Variants in NEB observed in about 807,000 individuals in gnomAD.
NEB encodes the protein nebulin.
A neutral mutation model predicts 952.2 loss-of-function variants in NEB; 512 were observed. The observed-to-expected ratio is 0.54, with a 90% CI of 0.50 to 0.58. The LOEUF (loss-of-function observed/expected upper bound fraction) is 0.58. Among genes scored for constraint, NEB ranks in the 20% least tolerant of loss-of-function variants. The probability of loss-of-function intolerance (pLI) is 0.00; values close to 1 mark genes in which losing one functional copy is unlikely to be tolerated. For missense variants in NEB, 8,428 were observed against 9,231.1 expected, an observed-to-expected ratio of 0.91 and a Z score of 3.56; for synonymous variants, 2,900 against 3,149.8, an observed-to-expected ratio of 0.92 and a Z score of 2.66.
intron 131 of NEB, 133 bp downstream of exon 131, chr2:151,548,175 C>CAAT (rs1233946252): frequency 1.3e-6 from 1 of 743,060 alleles, no homozygotes; most frequent in Non-Finnish European, 2.2e-6. Context: ...CAAAATGTGA[C>CAAT]AATAAGGACC....
At chr2:151,564,679 C>T (rs2096274699) in intron 117 of NEB, among the ~76,000 whole-genome samples, 1 of 152,142 alleles carries the variant, frequency 6.6e-6, no homozygotes, top group Non-Finnish European at 1.5e-5. Flanking sequence ...ACCTTACCTC[C>T]CTTTTCTCTA....
Position 151,667,879 on chromosome 2 carries a change from A to C in NEB, c.4644T>G (p.Ile1548Met), listed in dbSNP as rs1420629260. 1 of 1,612,518 alleles carries C rather than the reference A, an allele frequency of 6.2e-7. No individual in the cohort carries two copies. Among genetic ancestry groups the C allele is most frequent in the South Asian group, 1.1e-5 (1 of 90,932 alleles). The change falls in exon 40 of 182, where the codon ATT becomes ATG. Residue 1548 changes from isoleucine to methionine, a missense_variant. Ile to Met is a conservative substitution (Grantham distance 10, BLOSUM62 1). Transcript: ENST00000397345. ...AHYKADWKKT[I>M]AKGYDLRPDA... ...CTGGTCTCAAATCATAGCCCTTGGC[A>C]ATGGTTTTCTTCCAATCTGCTTTAT...
chr2:151,535,799 G>GA lies in NEB; in HGVS notation c.21208-5dup, dbSNP rs888362153. 4 of 1,505,716 alleles carry GA rather than the reference G, an allele frequency of 2.7e-6. No homozygotes were observed. The highest frequency in any genetic ancestry group is 2.8e-5 in the African/African-American group (2 of 72,688). The allele number at this position is 1,505,716 out of a possible 1,614,324, so 93.3% of individuals were successfully genotyped here. A position where few individuals can be genotyped will look rare whatever the true frequency, so the allele number is the denominator to read the frequency against. ...CAAATACTTCTTTATACTTATACTA[G>GA]AAAAAACAGAACATGGTTACTTGAC... is the stretch of plus-strand genomic sequence containing the variant. On this transcript the variant is annotated splice_region_variant and splice_polypyrimidine_tract_variant and intron_variant, in intron 141 of 181. Coordinates refer to ENST00000397345, the MANE Select transcript of NEB (RefSeq NM_001164508.2).
chr2:151,621,966 A>G (rs2098424858), intron 71 of NEB, among the ~76,000 whole-genome samples: 1 of 152,182 alleles, frequency 6.6e-6, no homozygotes, highest in Non-Finnish European at 1.5e-5. Flanking sequence ...TTGATGGGCA[A>G]TAATGAATTA....
chr2:151,664,049 A>C (rs1195307699), intron 44 of NEB, among the ~76,000 whole-genome samples, 190 bp from the exon 45 acceptor site: 2 of 151,718 alleles, frequency 1.3e-5, no homozygotes, highest in Non-Finnish European at 2.9e-5. Flanking sequence ...ACTTGAGTCC[A>C]TGGAAAGAAA....
chr2:151,697,099 T>G lies in NEB; in HGVS notation c.1470+49A>C, dbSNP rs375200998. ...AACATTTTAAACATATCCTGACCAC[T>G]AGATGCTATGGAAGGCAGTCACATT... On this transcript the variant is annotated intron_variant, in intron 16 of 181. Coordinates refer to ENST00000397345, the MANE Select transcript of NEB (RefSeq NM_001164508.2). 16 of 1,376,558 alleles carry G rather than the reference T, an allele frequency of 1.2e-5. No individual in the cohort carries two copies. The African/African-American group carries it at 2.3e-4, about 20-fold the overall frequency. 85.3% of individuals were successfully genotyped at this position (1,376,558 alleles called of 1,614,324 possible). A position where few individuals can be genotyped will look rare whatever the true frequency, so the allele number is the denominator to read the frequency against.
intron 74 of NEB, 40 bp downstream of exon 74, chr2:151,618,235 G>T (rs965082200): frequency 5.8e-6 from 9 of 1,540,294 alleles, no homozygotes; most frequent in Non-Finnish European, 8.1e-6. Flanking sequence ...ATTGTTCTGT[G>T]GTAACTTTCG....
At position 151,565,767 on chromosome 2, in the gene NEB, C is replaced by A. The variant is rs2096343643; in HGVS notation, c.18210G>T (p.Leu6070=). The A allele has an allele frequency of 6.2e-7, 1 of 1,612,498 alleles. No homozygotes were observed. ...EWLRGIGWIP[L]DSVDHVRVTK... is the part of the protein sequence containing the mutation. ...TAACCCTTACATGGTCCACAGAATCCAGTGGGATCCAGCCAATGCCTCGGA... is the reference window on the plus strand; with the variant it reads ...TAACCCTTACATGGTCCACAGAATCAAGTGGGATCCAGCCAATGCCTCGGA... Residue 6070 remains leucine, a synonymous_variant, in exon 115 of 182, where the codon CTG becomes CTT. Coordinates refer to ENST00000397345, the MANE Select transcript of NEB (RefSeq NM_001164508.2).
chr2:151,726,199 G>A lies in NEB; in HGVS notation c.295-639C>T, dbSNP rs930657419. Among the ~76,000 whole-genome samples, 9 of 152,244 alleles carry A rather than the reference G, an allele frequency of 5.9e-5. No homozygotes were observed. In the South Asian group the frequency reaches 1.2e-3, roughly 21 times the overall value. On this transcript the variant is annotated intron_variant, in intron 5 of 181. Transcript: ENST00000397345. ...TACTAACCACTTAAAAACTATTACAGACCTTTGCTGGCATTCTGTTCAGAA... is the reference window on the plus strand; with the variant it reads ...TACTAACCACTTAAAAACTATTACAAACCTTTGCTGGCATTCTGTTCAGAA...
chr2:151,639,734 G>A, intron 62 of NEB, 123 bp downstream of exon 62: 1 of 781,794 alleles, frequency 1.3e-6, no homozygotes, highest in Non-Finnish European at 2.0e-6. Context: ...GAAGCCAATA[G>A]ATACATAGAC....
At chr2:151,536,398 A>G (rs978942209) in intron 141 of NEB, among the ~76,000 whole-genome samples, 10 of 152,170 alleles carry the variant, frequency 6.6e-5, no homozygotes, top group African/African-American at 1.9e-4. Context: ...TATATATTAT[A>G]ATTATTATTT....
rs1576039264 is a variant in NEB, at chr2:151,678,848, T to C, written c.3256-661A>G. ...AGTACCCACAGAGAAAGGGGGTGGG[T>C]GAGAACTTCGGGTGGGACAGGGGCA... On this transcript the variant is annotated intron_variant, in intron 32 of 181. Coordinates refer to ENST00000397345, the MANE Select transcript of NEB (RefSeq NM_001164508.2). Among the ~76,000 whole-genome samples, 3 of 151,612 alleles carry C rather than the reference T, an allele frequency of 2.0e-5. No homozygotes were observed. In the South Asian group the frequency reaches 6.3e-4, roughly 32 times the overall value.
At chr2:151,497,506 T>A in intron 171 of NEB, 120 bp downstream of exon 171, 1 of 1,493,830 alleles carries the variant, frequency 6.7e-7, no homozygotes, top group East Asian at 2.5e-5. Context: ...ATAAATTTGC[T>A]AAAGAAATTC....
At position 151,675,374 on chromosome 2, in the gene NEB, T is replaced by G; in HGVS notation, c.3792A>C (p.Lys1264Asn). The G allele has an allele frequency of 6.3e-7, 1 of 1,576,126 alleles. No individual in the cohort carries two copies. The highest frequency in any genetic ancestry group is 8.6e-7 in the Non-Finnish European group (1 of 1,157,500). Residue 1264 changes from lysine to asparagine, a missense_variant, in exon 35 of 182, where the codon AAA becomes AAC. Lys to Asn is a moderately conservative substitution (Grantham distance 94, BLOSUM62 0). Coordinates refer to ENST00000397345, the MANE Select transcript of NEB (RefSeq NM_001164508.2). ...KQVSDILYKA[K>N]GEDVKHKYTM... is the part of the protein sequence containing the mutation. ...TGTATTTATGTTTCACATCTTCTCC[T>G]TTAGCCTTGTATAAGATCTGCAATA...
At chr2:151,499,509 A>AAGTC in intron 168 of NEB, 119 bp from the exon 169 acceptor site, 1 of 645,364 alleles carries the variant, frequency 1.5e-6, no homozygotes, top group African/African-American at 1.8e-5. Flanking sequence ...CAGATTCAAC[A>AAGTC]AGTCAACCTC....
At chr2:151,637,063 T>C (rs1016235055) in intron 63 of NEB, among the ~76,000 whole-genome samples, 4 of 152,212 alleles carry the variant, frequency 2.6e-5, no homozygotes, top group Admixed American at 2.6e-4. Context: ...TGTCTCTGAC[T>C]GTGCGGGGTA....
At chr2:151,667,981 G>A in intron 39 of NEB, 70 bp from the exon 40 acceptor site, 4 of 1,227,186 alleles carry the variant, frequency 3.3e-6, no homozygotes, top group South Asian at 2.7e-5. Context: ...ATGCCAAAAT[G>A]TTTCTTATAA....
chr2:151,639,831 T>C (rs755030833), intron 62 of NEB, 26 bp downstream of exon 62: 1 of 1,579,906 alleles, frequency 6.3e-7, no homozygotes, highest in South Asian at 1.1e-5. Context: ...GGAGCCCCAC[T>C]TCGATTCTTA....
At chr2:151,630,401 G>A (rs964997680) in intron 67 of NEB, among the ~76,000 whole-genome samples, 1 of 152,150 alleles carries the variant, frequency 6.6e-6, no homozygotes, top group Non-Finnish European at 1.5e-5. Context: ...TGGTAGGGAT[G>A]GAATTAGTGG....
Sources: gnomAD v4.1 joint callset for allele counts (sites outside exome capture counted in the v4.1 genomes callset) on GRCh38, gnomAD v4.1.1 for gene constraint, MANE v1.5 for transcripts, NCBI Gene and HGNC (gene_info 2026-07-23, HGNC 2026-07-21) for gene names.